COPB1: variants seen among roughly 807,000 people sequenced by gnomAD.
The protein encoded by COPB1 is coatomer subunit beta.
A neutral mutation model predicts 108.7 loss-of-function variants in COPB1; 21 were observed. The ratio of observed to expected loss-of-function variants is 0.19; its 90% CI spans 0.14 to 0.28. The LOEUF is 0.28. Among genes scored for constraint, COPB1 ranks in the 10% least tolerant of loss-of-function variants. The probability of loss-of-function intolerance (pLI) is 1.00; values close to 1 mark genes in which losing one functional copy is unlikely to be tolerated. For synonymous variants in COPB1, 378 were observed against 386.8 expected, an observed-to-expected ratio of 0.98 and a Z score of 0.27; for missense variants, 919 against 1,141.3, an observed-to-expected ratio of 0.81 and a Z score of 2.81.
chr11:14,484,931 T>C (rs1850737609), intron 7 of COPB1, among the ~76,000 whole-genome samples: 1 of 152,152 alleles, frequency 6.6e-6, no homozygotes, highest in African/African-American at 2.4e-5. Flanking sequence ...ATAGAATAAA[T>C]TAGAGAAAGG....
At chr11:14,493,427 G>A (rs1850953026) in intron 4 of COPB1, among the ~76,000 whole-genome samples, 2 of 152,208 alleles carry the variant, frequency 1.3e-5, no homozygotes, top group Non-Finnish European at 2.9e-5. Context: ...GGGGGTTACT[G>A]TTATACAAGT....
At chr11:14,472,416 G>C (rs1435775475) in intron 14 of COPB1, among the ~76,000 whole-genome samples, 2 of 152,208 alleles carry the variant, frequency 1.3e-5, no homozygotes, top group African/African-American at 4.8e-5. Flanking sequence ...TTGTTCCACT[G>C]ACAGAGCACA....
chr11:14,458,594 G>T lies in COPB1; in HGVS notation c.2740C>A (p.Pro914Thr). 1 of 1,613,752 alleles carries T rather than the reference G, an allele frequency of 6.2e-7. No homozygotes were observed. The highest frequency in any genetic ancestry group is 8.5e-7 in the Non-Finnish European group (1 of 1,179,874). ...DALANVSIEK[P>T]IHQGPDAAVT... is the part of the protein sequence containing the mutation. ...GCAGCATCTGGTCCCTGGTGAATTG[G>T]CTTCTCAATGCTGACATTTGCAAGT... The change falls in exon 21 of 22, where the codon CCA becomes ACA. Residue 914 changes from proline (P) to threonine (T), a missense_variant. By Grantham distance (38) the Pro-to-Thr change is conservative. This residue lies in a region of COPB1 where 705 missense variants were observed against 817.8 expected (regional missense o/e 0.86). Coordinates refer to ENST00000439561, the MANE Select transcript of COPB1 (RefSeq NM_001144061.2).
At position 14,494,219 on chromosome 11, in the gene COPB1, T is replaced by C; in HGVS notation, c.312A>G (p.Ala104=). ...TTATGATTTGGTTTACCTTTCTGTATGCATCACATACAAGGATCATCTCAT... is the reference window on the plus strand; with the variant it reads ...TTATGATTTGGTTTACCTTTCTGTACGCATCACATACAAGGATCATCTCAT... ...LLHEMILVCD[A]YRKDLQHPNE... is the part of the protein sequence containing the mutation. Residue 104 remains alanine, a synonymous_variant, in exon 3 of 22, where the codon GCA becomes GCG. Coordinates refer to ENST00000439561, the MANE Select transcript of COPB1 (RefSeq NM_001144061.2). 1 of 1,605,926 alleles carries C rather than the reference T, an allele frequency of 6.2e-7. No individual in the cohort carries two copies. Among genetic ancestry groups the C allele is most frequent in the Non-Finnish European group, 8.5e-7 (1 of 1,173,964 alleles).
In COPB1 at chr11:14,483,165, G is replaced by A; in HGVS notation, c.838-14C>T. On this transcript the variant is annotated splice_polypyrimidine_tract_variant and intron_variant, in intron 7 of 21. Transcript: ENST00000439561. ...CTGAGCAGCAGCCTATATAAAAAAA[G>A]AAATACATTTTAAGAAGTTATTCAT... The A allele has an allele frequency of 6.6e-7, 1 of 1,514,698 alleles. No homozygotes were observed. Among genetic ancestry groups the A allele is most frequent in the East Asian group, 2.3e-5 (1 of 43,036 alleles). The allele number at this position is 1,514,698 out of a possible 1,614,324, so 93.8% of individuals were successfully genotyped here.
chr11:14,467,145 T>C (rs1226636917), intron 16 of COPB1, among the ~76,000 whole-genome samples: 1 of 152,064 alleles, frequency 6.6e-6, no homozygotes, highest in Non-Finnish European at 1.5e-5. Flanking sequence ...ATGTATCTGA[T>C]AAGGGGGTTA....
At chr11:14,483,246 A>G (rs888929119) in intron 7 of COPB1, 95 bp from the exon 8 acceptor site, 2 of 665,608 alleles carry the variant, frequency 3.0e-6, no homozygotes, top group African/African-American at 3.6e-5. Context: ...ACACACACAC[A>G]CACACACACA....
Position 14,461,343 on chromosome 11 carries a change from T to C in COPB1, c.2411-12A>G, listed in dbSNP as rs764618257. ...AGAGACATCATAAACTGCAATTACA[T>C]ATACAAAAAGATTCGCAATCACTGG... On this transcript the variant is annotated splice_polypyrimidine_tract_variant and intron_variant, in intron 18 of 21. Transcript: ENST00000439561. 8 of 1,606,438 alleles carry C rather than the reference T, an allele frequency of 5.0e-6. No homozygotes were observed. Among genetic ancestry groups the C allele is most frequent in the South Asian group, 1.1e-5 (1 of 88,924 alleles).
intron 18 of COPB1, among the ~76,000 whole-genome samples, 192 bp downstream of exon 18, chr11:14,464,719 G>T (rs1850240840): frequency 1.3e-5 from 2 of 151,994 alleles, no homozygotes. Context: ...AGTTTCTAGA[G>T]GACAGTGACT....
In COPB1 at chr11:14,464,954, G is replaced by C. The variant is rs765719809; in HGVS notation, c.2367C>G (p.Val789=). The change falls in exon 18 of 22, where the codon GTC becomes GTG. Residue 789 remains valine, a synonymous_variant. Coordinates refer to ENST00000439561, the MANE Select transcript of COPB1 (RefSeq NM_001144061.2). The part of the protein sequence containing the change: ...PHDFANIKAN[V]KVASTENGII... Reference sequence around the variant, plus strand: ...TTCCATTTTCTGTTGATGCTACTTTGACGTTAGCTTTAATATTTGCGAAGT... The same window carrying C: ...TTCCATTTTCTGTTGATGCTACTTTCACGTTAGCTTTAATATTTGCGAAGT... 5.0e-6 allele frequency: 8 copies of C among 1,613,418 alleles called. No individual in the cohort carries two copies.
At chr11:14,468,907 T>G (rs1482323669) in intron 15 of COPB1, 47 bp from the exon 16 acceptor site, 12 of 1,518,194 alleles carry the variant, frequency 7.9e-6, no homozygotes, top group Non-Finnish European at 1.1e-5. Flanking sequence ...GAAAAGATAG[T>G]TTTTTAGAGG....
chr11:14,490,746 G>C (rs1232488886), intron 4 of COPB1, 67 bp from the exon 5 acceptor site: 16 of 800,076 alleles, frequency 2.0e-5, no homozygotes, highest in Non-Finnish European at 3.2e-5. Context: ...TAACTCTCTG[G>C]ACAATACCAA....
At chr11:14,492,032 T>C (rs1850916191) in intron 4 of COPB1, among the ~76,000 whole-genome samples, 1 of 152,188 alleles carries the variant, frequency 6.6e-6, no homozygotes, top group South Asian at 2.1e-4. Flanking sequence ...TTTTGTTTCA[T>C]CTATATCCTT....
Position 14,482,826 on chromosome 11 carries a change from G to A in COPB1, c.957+206C>T, listed in dbSNP as rs548930676. 1.1e-4 allele frequency among the ~76,000 whole-genome samples: 16 copies of A among 152,208 alleles called. 1 individual carries two copies. Among genetic ancestry groups the A allele is most frequent in the Admixed American group, 7.2e-4 (11 of 15,280 alleles). ...GCTGGGATTACAGGCGTGAGCCACC[G>A]CGTCCAGCCATTTTAGAAATATTTT... On this transcript the variant is annotated intron_variant, in intron 8 of 21. Transcript: ENST00000439561.
Position 14,480,824 on chromosome 11 carries a change from G to C in COPB1, c.1147C>G (p.Leu383Val). 1 of 1,613,968 alleles carries C rather than the reference G, an allele frequency of 6.2e-7. No homozygotes were observed. The highest frequency in any genetic ancestry group is 8.5e-7 in the Non-Finnish European group (1 of 1,179,882). The change falls in exon 10 of 22, where the codon CTA becomes GTA. Residue 383 changes from leucine to valine, a missense_variant. Coordinates refer to ENST00000439561, the MANE Select transcript of COPB1 (RefSeq NM_001144061.2). ...GAACAGGAATGCAATGTTCGCACTAGGAGTTGTCTGTATTTGTCAGTATCT... is the reference window on the plus strand; with the variant it reads ...GAACAGGAATGCAATGTTCGCACTACGAGTTGTCTGTATTTGTCAGTATCT... Reference protein sequence around the residue: ...HEDTDKYRQLLVRTLHSCSVR... With the variant: ...HEDTDKYRQLVVRTLHSCSVR...
chr11:14,460,318 T>G (rs1373128248), intron 19 of COPB1, 21 bp from the exon 20 acceptor site: 2 of 1,425,602 alleles, frequency 1.4e-6, no homozygotes, highest in Non-Finnish European at 2.0e-6. Context: ...GAAAAAAAAG[T>G]CAAGGAGATC....
intron 4 of COPB1, 69 bp from the exon 5 acceptor site, chr11:14,490,748 C>T (rs939636450): frequency 2.7e-6 from 2 of 746,508 alleles, no homozygotes; most frequent in South Asian, 1.8e-5. Context: ...ACTCTCTGGA[C>T]AATACCAAAA....
chr11:14,488,733 T>C, intron 5 of COPB1, 149 bp from the exon 6 acceptor site: 1 of 428,986 alleles, frequency 2.3e-6, no homozygotes, highest in Non-Finnish European at 4.1e-6. Context: ...AAATCAAGAA[T>C]AAAATTAACA....
chr11:14,475,982 A>G (rs953266002), intron 12 of COPB1, 37 bp from the exon 13 acceptor site: 3 of 1,500,982 alleles, frequency 2.0e-6, no homozygotes, highest in Non-Finnish European at 1.8e-6. Context: ...TAGTAATAGT[A>G]TCAACAGCAA....
Sources: gnomAD v4.1 joint callset for allele counts (sites outside exome capture counted in the v4.1 genomes callset) on GRCh38, gnomAD v4.1.1 for gene constraint, gnomAD v4.1.1 regional missense constraint, MANE v1.5 for transcripts, NCBI Gene and HGNC (gene_info 2026-07-23, HGNC 2026-07-21) for gene names.